Variants in NMT2 observed in about 807,000 individuals in gnomAD.
NMT2 encodes glycylpeptide N-tetradecanoyltransferase 2.
In NMT2, 35 loss-of-function variants were observed where a neutral mutation model predicts 65.4. The ratio of observed to expected loss-of-function variants is 0.54; its 90% CI spans 0.41 to 0.71. The LOEUF (loss-of-function observed/expected upper bound fraction) is 0.71, where lower values mean the gene tolerates loss of function less well. Among genes scored for constraint, NMT2 ranks in the 30% least tolerant of loss-of-function variants. The pLI is 0.00. For synonymous variants in NMT2, 226 were observed against 231.8 expected (o/e 0.98, Z 0.23); for missense variants, 489 against 611.3 (o/e 0.80, Z 2.11).
At chr10:15,155,465 C>A in intron 1 of NMT2, 1 of 460,082 alleles carries the variant, frequency 2.2e-6, no homozygotes, top group South Asian at 2.1e-5. Context: ...AACTTCCGGG[C>A]TCAAGTGATC....
At chr10:15,136,498 G>A (rs1846511547) in intron 2 of NMT2, among the ~76,000 whole-genome samples, 1 of 151,398 alleles carries the variant, frequency 6.6e-6, no homozygotes, top group Non-Finnish European at 1.5e-5. Flanking sequence ...ACAGATGGAA[G>A]GAAGGAAGGA....
In NMT2 at chr10:15,108,935, A is replaced by T. The variant is rs960359142; in HGVS notation, c.*260T>A. 8.9e-6 allele frequency: 11 copies of T among 1,229,650 alleles called. No homozygotes were observed. Among genetic ancestry groups the T allele is most frequent in the Non-Finnish European group, 1.1e-5 (11 of 985,272 alleles). 76.2% of individuals were successfully genotyped at this position (1,229,650 alleles called of 1,614,324 possible). On this transcript the variant is annotated 3_prime_UTR_variant, in exon 12 of 12. Coordinates refer to ENST00000378165, the MANE Select transcript of NMT2 (RefSeq NM_004808.3). ...AATACCTCTTCAAGAGACAGGCAAA[A>T]ATTTGAAAATTACAAGAATGTGCTC...
intron 6 of NMT2, among the ~76,000 whole-genome samples, chr10:15,131,523 G>C (rs1157645983): frequency 1.3e-5 from 2 of 152,080 alleles, no homozygotes; most frequent in African/African-American, 4.8e-5. Flanking sequence ...AATCTGATAA[G>C]ATGTTGCTTT....
At chr10:15,141,024 GT>G in intron 2 of NMT2, 1 of 1,550,842 alleles carries the variant, frequency 6.4e-7, no homozygotes, top group East Asian at 2.4e-5. Context: ...GCCAGATGGT[GT>G]TGTGCTATTC....
Position 15,107,289 on chromosome 10 carries a change from T to C in NMT2, c.*1906A>G, listed in dbSNP as rs1389962187. On this transcript the variant is annotated 3_prime_UTR_variant, in exon 12 of 12. Coordinates refer to ENST00000378165, the MANE Select transcript of NMT2 (RefSeq NM_004808.3). The stretch of plus-strand genomic sequence containing the variant: ...CTGTGGGCTACACAAAAATAAGCAA[T>C]GGGCTGGATTTAGCCCACAGGCCAT... 3.2e-6 allele frequency: 3 copies of C among 936,814 alleles called. No individual in the cohort carries two copies. The highest frequency in any genetic ancestry group is 2.3e-4 in the East Asian group (2 of 8,582). The allele number at this position is 936,814 out of a possible 1,614,324, so 58.0% of individuals were successfully genotyped here. A position where few individuals can be genotyped will look rare whatever the true frequency, so the allele number is the denominator to read the frequency against.
intron 8 of NMT2, among the ~76,000 whole-genome samples, chr10:15,121,361 AG>A (rs1278462395): frequency 6.6e-6 from 1 of 152,116 alleles, no homozygotes; most frequent in Non-Finnish European, 1.5e-5. Flanking sequence ...TGGAAGCCCA[AG>A]GGGGAAAACA....
intron 1 of NMT2, among the ~76,000 whole-genome samples, chr10:15,158,153 TAAAAATACAAAAATTA>T (rs1374213612): frequency 6.6e-6 from 1 of 151,894 alleles, no homozygotes; most frequent in Non-Finnish European, 1.5e-5. Flanking sequence ...CCATTTCTAC[TAAAAATACAAAAATTA>T]GCCGGGCATG....
At chr10:15,161,981 G>A (rs1057048748) in intron 1 of NMT2, among the ~76,000 whole-genome samples, 9 of 152,246 alleles carry the variant, frequency 5.9e-5, no homozygotes, top group Admixed American at 3.3e-4. Flanking sequence ...CGCCGGGCAC[G>A]GTGGCTCACG....
chr10:15,135,742 A>G (rs1846460889), intron 2 of NMT2, among the ~76,000 whole-genome samples: 1 of 151,952 alleles, frequency 6.6e-6, no homozygotes, highest in South Asian at 2.1e-4. Context: ...TGCATGCATT[A>G]CTGTCATCCA....
In NMT2 at chr10:15,106,910, G is replaced by A. The variant is rs777326725; in HGVS notation, c.*2285C>T. ...GAGGCCAGGAGTTAAAGACCAGCAC[G>A]GGAAACATAGCAAGACCTTGTCTCT... On this transcript the variant is annotated 3_prime_UTR_variant, in exon 12 of 12. Transcript: ENST00000378165. Among the ~76,000 whole-genome samples the A allele has an allele frequency of 7.9e-5, 12 of 152,270 alleles. No individual in the cohort carries two copies. Among genetic ancestry groups the A allele is most frequent in the South Asian group, 2.1e-4 (1 of 4,818 alleles).
At chr10:15,144,604 G>A (rs906493546) in intron 1 of NMT2, among the ~76,000 whole-genome samples, 34 of 152,260 alleles carry the variant, frequency 2.2e-4, no homozygotes, top group East Asian at 7.7e-4. Flanking sequence ...GGTGGCGGGC[G>A]CCTGTAGTCC....
chr10:15,155,916 C>T (rs536020387), intron 1 of NMT2, among the ~76,000 whole-genome samples: 2 of 140,998 alleles, frequency 1.4e-5, no homozygotes, highest in Admixed American at 1.4e-4. Context: ...GACCTGCAGG[C>T]GGGGACGCTG....
At chr10:15,105,705 T>G (rs966539382), downstream of NMT2, among the ~76,000 whole-genome samples, 1 of 152,208 alleles carries the variant, frequency 6.6e-6, no homozygotes, top group East Asian at 1.9e-4. Context: ...CCTTATTGAA[T>G]AGAACATTTT....
In NMT2 at chr10:15,141,381, C is replaced by T. The variant is rs191281286; in HGVS notation, c.246+41G>A. On this transcript the variant is annotated intron_variant, in intron 2 of 11. Coordinates refer to ENST00000378165, the MANE Select transcript of NMT2 (RefSeq NM_004808.3). ...TAAACTGCGTAAACCCACTCATGCA[C>T]GAGAAACCACACAGAGGAAAAAATA... 3.8e-3 allele frequency: 6,198 copies of T among 1,611,072 alleles called. 16 individuals carry two copies. Among genetic ancestry groups the T allele is most frequent in the Non-Finnish European group, 4.8e-3 (5,707 of 1,178,584 alleles).
Position 15,128,735 on chromosome 10 carries a change from T to C in NMT2, c.891-277A>G, listed in dbSNP as rs905850826. On this transcript the variant is annotated intron_variant, in intron 7 of 11. Transcript: ENST00000378165. ...GGAAATATTAGTTGGCTGGGCACGGTGGCTCATGCCTGTAATCCCAGCACT... is the reference window on the plus strand; with the variant it reads ...GGAAATATTAGTTGGCTGGGCACGGCGGCTCATGCCTGTAATCCCAGCACT... 9.8e-5 allele frequency among the ~76,000 whole-genome samples: 15 copies of C among 152,352 alleles called. No individual in the cohort carries two copies. The South Asian group carries it at 2.1e-3, about 21-fold the overall frequency.
intron 1 of NMT2, among the ~76,000 whole-genome samples, chr10:15,147,369 A>T (rs1302317013): frequency 6.6e-6 from 1 of 152,104 alleles, no homozygotes; most frequent in Non-Finnish European, 1.5e-5. Context: ...TCGTATTTTC[A>T]TGCATTTTTG....
At chr10:15,152,207 C>CAA (rs1832828956) in intron 1 of NMT2, among the ~76,000 whole-genome samples, 2 of 152,176 alleles carry the variant, frequency 1.3e-5, no homozygotes, top group Admixed American at 1.3e-4. Flanking sequence ...TGAGGCTGTA[C>CAA]AAATGGCGCT....
In NMT2 at chr10:15,155,308, T is replaced by G. The variant is rs1018715796; in HGVS notation, c.110+13195A>C. 1.2e-5 allele frequency: 16 copies of G among 1,306,364 alleles called. No individual in the cohort carries two copies. The African/African-American group carries it at 2.3e-4, about 19-fold the overall frequency. The allele number at this position is 1,306,364 out of a possible 1,614,324, so 80.9% of individuals were successfully genotyped here. ...TTGATGGCGATGTTGAAGAACATGG[T>G]GGGGTTGACCATGGCTGGTAGTACA... On this transcript the variant is annotated intron_variant, in intron 1 of 11. Coordinates refer to ENST00000378165, the MANE Select transcript of NMT2 (RefSeq NM_004808.3).
At chr10:15,148,616 C>G (rs1847041715) in intron 1 of NMT2, among the ~76,000 whole-genome samples, 1 of 152,152 alleles carries the variant, frequency 6.6e-6, no homozygotes, top group Non-Finnish European at 1.5e-5. Flanking sequence ...TACAAGCCAG[C>G]TATTATTATG....
Sources: allele counts gnomAD v4.1 joint callset (sites outside exome capture counted in the v4.1 genomes callset), GRCh38; gene constraint gnomAD v4.1.1; transcripts MANE v1.5; gene names NCBI Gene and HGNC (gene_info 2026-07-23, HGNC 2026-07-21).